Variants in EHF observed in about 807,000 individuals in gnomAD.
EHF encodes ETS homologous factor, also known as ESE3 transcription factor.
In EHF, 14 loss-of-function variants were observed where a neutral mutation model predicts 45.1. The ratio of observed to expected loss-of-function variants is 0.31; its 90% confidence interval spans 0.21 to 0.49. The LOEUF is 0.49. Among genes scored for constraint, EHF ranks in the 20% least tolerant of loss-of-function variants. The pLI is 0.99. For synonymous variants in EHF, 136 were observed against 131.8 expected, an observed-to-expected ratio of 1.03 and a Z score of -0.22; for missense variants, 282 against 371.4, an observed-to-expected ratio of 0.76 and a Z score of 1.98.
intron 1 of EHF, among the ~76,000 whole-genome samples, chr11:34,639,632 T>C (rs1405602616): frequency 1.3e-5 from 2 of 152,218 alleles, no homozygotes; most frequent in African/African-American, 4.8e-5. Context: ...CCTGCCCAGT[T>C]GGAAATGCTG....
chr11:34,630,622 G>T (rs1852791921), intron 1 of EHF, among the ~76,000 whole-genome samples: 1 of 151,954 alleles, frequency 6.6e-6, no homozygotes, highest in African/African-American at 2.4e-5. Flanking sequence ...CCCCTCCCTG[G>T]CTCCAATCCC....
At chr11:34,638,886 G>A (rs964320366) in intron 1 of EHF, among the ~76,000 whole-genome samples, 7 of 152,134 alleles carry the variant, frequency 4.6e-5, no homozygotes, top group African/African-American at 1.4e-4. Context: ...CTCTGAACTG[G>A]GGATTCAGTC....
chr11:34,651,664 A>C (rs923274009), intron 5 of EHF, 54 bp downstream of exon 5: 19 of 1,608,802 alleles, frequency 1.2e-5, no homozygotes, highest in Non-Finnish European at 1.6e-5. Flanking sequence ...AGTTTGTCTA[A>C]GAGCCACAGT....
chr11:34,659,069 G>C lies in EHF; in HGVS notation c.*138G>C. The C allele has an allele frequency of 3.1e-6, 2 of 646,560 alleles. No homozygotes were observed. The highest frequency in any genetic ancestry group is 2.9e-5 in the East Asian group (1 of 34,950). 40.1% of individuals were successfully genotyped at this position (646,560 alleles called of 1,614,324 possible). On this transcript the variant is annotated 3_prime_UTR_variant, in exon 9 of 9. Coordinates refer to ENST00000257831, the MANE Select transcript of EHF (RefSeq NM_012153.6). ...AGGGGAACAAGAAACTACTTCTAAC[G>C]GGAAGAAGAAACACTACGGTCGATT...
At chr11:34,621,451 AT>A (rs147727933) in intron 1 of EHF, among the ~76,000 whole-genome samples, 17,072 of 152,062 alleles carry the variant, frequency 0.11, 1,437 homozygotes, top group East Asian at 0.48. Flanking sequence ...AATTTCCTGC[AT>A]TGTCTGGACT....
chr11:34,652,471 T>C (rs1855265787), intron 6 of EHF, among the ~76,000 whole-genome samples: 1 of 152,088 alleles, frequency 6.6e-6, no homozygotes. Context: ...ATGTTGGGAG[T>C]CTGGGAGAGG....
chr11:34,654,046 C>T (rs183481419), intron 6 of EHF, among the ~76,000 whole-genome samples: 1 of 152,314 alleles, frequency 6.6e-6, no homozygotes, highest in Non-Finnish European at 1.5e-5. Flanking sequence ...GAGCCTAAAG[C>T]TAGGGTGGCA....
chr11:34,625,282 T>C (rs1852272438), intron 1 of EHF, among the ~76,000 whole-genome samples: 1 of 152,204 alleles, frequency 6.6e-6, no homozygotes, highest in African/African-American at 2.4e-5. Context: ...CTCATGTGTC[T>C]CAAGCTGGTG....
chr11:34,643,039 A>G (rs1390945798), intron 2 of EHF, among the ~76,000 whole-genome samples: 1 of 151,550 alleles, frequency 6.6e-6, no homozygotes, highest in African/African-American at 2.4e-5. Context: ...TTTTGCTGGG[A>G]TATCAAGATA....
chr11:34,646,359 G>T, intron 2 of EHF, 80 bp from the exon 3 acceptor site: 1 of 1,585,088 alleles, frequency 6.3e-7, no homozygotes, highest in South Asian at 1.2e-5. Flanking sequence ...ATATCTGGCA[G>T]CCAACAGTAC....
intron 1 of EHF, among the ~76,000 whole-genome samples, chr11:34,637,249 C>T (rs151305948): frequency 1.1e-4 from 16 of 152,238 alleles, no homozygotes; most frequent in Non-Finnish European, 1.8e-4. Context: ...CCCTGCTCCC[C>T]TTCATGGGTC....
At chr11:34,650,093 G>A (rs1854990139) in intron 4 of EHF, among the ~76,000 whole-genome samples, 3 of 152,248 alleles carry the variant, frequency 2.0e-5, no homozygotes, top group Admixed American at 2.0e-4. Flanking sequence ...CCTAGAGATG[G>A]ATGCAGGACT....
intron 1 of EHF, among the ~76,000 whole-genome samples, chr11:34,639,797 C>T (rs1853800186): frequency 6.6e-6 from 1 of 152,204 alleles, no homozygotes; most frequent in African/African-American, 2.4e-5. Context: ...AAAGGGAGTG[C>T]CAGCAGGGAG....
chr11:34,629,013 A>G (rs2133993446), intron 1 of EHF, among the ~76,000 whole-genome samples: 1 of 152,284 alleles, frequency 6.6e-6, no homozygotes, highest in South Asian at 2.1e-4. Context: ...GCCTCTGGTT[A>G]TGGTGAAATG....
chr11:34,629,535 T>C (rs899275651), intron 1 of EHF, among the ~76,000 whole-genome samples: 3 of 152,242 alleles, frequency 2.0e-5, no homozygotes, highest in Admixed American at 1.3e-4. Flanking sequence ...ATTCAGATGT[T>C]ATTTGCTTCT....
rs781051460 is a variant in EHF at position 34,662,860 on chromosome 11, A to G, written c.*3929A>G. On this transcript the variant is annotated 3_prime_UTR_variant, in exon 9 of 9. Transcript: ENST00000257831. ...TACGTATTGGGCAGATACTTACTGT[A>G]TGAATGAAAGAACATCACAGTAATC... Among the ~76,000 whole-genome samples, 1 of 152,156 alleles carries G rather than the reference A, an allele frequency of 6.6e-6. No homozygotes were observed. Among genetic ancestry groups the G allele is most frequent in the Non-Finnish European group, 1.5e-5 (1 of 68,004 alleles).
chr11:34,647,091 C>CA (rs1215984905), intron 3 of EHF, among the ~76,000 whole-genome samples: 2 of 148,332 alleles, frequency 1.3e-5, no homozygotes, highest in African/African-American at 5.1e-5. Flanking sequence ...AAAACCCCCC[C>CA]CACACACACA....
At chr11:34,650,129 C>T (rs552220605) in intron 4 of EHF, among the ~76,000 whole-genome samples, 87 of 152,174 alleles carry the variant, frequency 5.7e-4, no homozygotes, top group Non-Finnish European at 1.1e-3. Context: ...CACCCCCTCC[C>T]CTGCTTGACC....
chr11:34,623,084 A>C (rs536789937), intron 1 of EHF, among the ~76,000 whole-genome samples: 10 of 152,212 alleles, frequency 6.6e-5, no homozygotes, highest in African/African-American at 2.4e-4. Context: ...GTTCAATTCA[A>C]ACAATCCTTT....
Sources: allele counts gnomAD v4.1 joint callset (sites outside exome capture counted in the v4.1 genomes callset), GRCh38; gene constraint gnomAD v4.1.1; transcripts MANE v1.5; gene names NCBI Gene and HGNC (gene_info 2026-07-23, HGNC 2026-07-21).